Variants in PRR11 observed in about 807,000 individuals in gnomAD.
PRR11 encodes the protein proline rich 11, also known as proline-rich protein 11.
PRR11 carries 30 observed loss-of-function variants against 45.6 expected under a neutral mutation model. The ratio of observed to expected loss-of-function variants is 0.66; its 90% CI spans 0.49 to 0.89. PRR11 has a LOEUF of 0.89. PRR11 is among the 40% of genes least tolerant of loss of function. The pLI is 0.00. For missense variants in PRR11, 373 were observed against 424.8 expected (o/e 0.88, Z 1.07); for synonymous variants, 128 against 153.5 (o/e 0.83, Z 1.23).
At chr17:59,190,585 TG>T (rs2046836277) in intron 4 of PRR11, among the ~76,000 whole-genome samples, 1 of 152,202 alleles carries the variant, frequency 6.6e-6, no homozygotes, top group African/African-American at 2.4e-5. Flanking sequence ...TAGCCACAAG[TG>T]GCAGAAACAC....
intron 4 of PRR11, among the ~76,000 whole-genome samples, chr17:59,187,549 A>C (rs1182267491): frequency 6.8e-6 from 1 of 146,104 alleles, no homozygotes; most frequent in African/African-American, 2.6e-5. Flanking sequence ...CAGCTTGGGC[A>C]ACAGAGCAAG....
intron 1 of PRR11, among the ~76,000 whole-genome samples, chr17:59,164,138 G>C (rs767887252): frequency 6.6e-6 from 1 of 152,102 alleles, no homozygotes; most frequent in Non-Finnish European, 1.5e-5. Flanking sequence ...ATTAGACACA[G>C]CTCCTTTGCT....
chr17:59,198,398 G>A (rs1007082132), intron 9 of PRR11, among the ~76,000 whole-genome samples: 5 of 151,828 alleles, frequency 3.3e-5, no homozygotes, highest in South Asian at 4.2e-4. Flanking sequence ...AAAAATGGCC[G>A]GGCACGGTGG....
At chr17:59,161,297 C>T (rs1245923330) in intron 1 of PRR11, among the ~76,000 whole-genome samples, 1 of 151,874 alleles carries the variant, frequency 6.6e-6, no homozygotes, top group Non-Finnish European at 1.5e-5. Flanking sequence ...GTCCCAGCTA[C>T]TCGGGAGACT....
chr17:59,201,510 A>G (rs932157873), intron 9 of PRR11, 53 bp from the exon 10 acceptor site: 42 of 1,555,764 alleles, frequency 2.7e-5, no homozygotes, highest in Middle Eastern at 1.7e-4. Context: ...GGAGAGTTGT[A>G]CTTATCACAG....
intron 1 of PRR11, among the ~76,000 whole-genome samples, chr17:59,168,352 T>G (rs1374393393): frequency 6.6e-6 from 1 of 151,952 alleles, no homozygotes; most frequent in Non-Finnish European, 1.5e-5. Flanking sequence ...GTATTTTTAA[T>G]AGAGACAGGG....
chr17:59,200,930 C>A (rs533720092), intron 9 of PRR11, among the ~76,000 whole-genome samples: 201 of 152,038 alleles, frequency 1.3e-3, no homozygotes, highest in Non-Finnish European at 2.1e-3. Flanking sequence ...CGGCCCACAA[C>A]TATCTTTTTT....
chr17:59,172,621 T>A (rs1008821545), intron 2 of PRR11, among the ~76,000 whole-genome samples: 5 of 152,200 alleles, frequency 3.3e-5, no homozygotes, highest in Admixed American at 6.5e-5. Context: ...CTCTGAGCTG[T>A]CGGCTGCCCC....
intron 2 of PRR11, among the ~76,000 whole-genome samples, chr17:59,175,937 T>C (rs1294916245): frequency 3.9e-5 from 6 of 152,128 alleles, no homozygotes; most frequent in East Asian, 3.9e-4. Flanking sequence ...TACATTGATA[T>C]TGTGCCAAGA....
intron 1 of PRR11, among the ~76,000 whole-genome samples, chr17:59,158,794 G>A (rs566925138): frequency 6.6e-6 from 1 of 152,330 alleles, no homozygotes; most frequent in African/African-American, 2.4e-5. Flanking sequence ...GTAAGGAGAA[G>A]AGACAGGGTA....
At chr17:59,179,795 G>A (rs1327549120) in intron 2 of PRR11, 34 of 1,360,616 alleles carry the variant, frequency 2.5e-5, no homozygotes, top group East Asian at 7.2e-5. Flanking sequence ...CTCCTCCTCC[G>A]ATGACTCCTC....
intron 2 of PRR11, chr17:59,177,243 A>C: frequency 1.8e-6 from 1 of 547,658 alleles, no homozygotes; most frequent in Non-Finnish European, 3.7e-6. Flanking sequence ...CTATGACCAT[A>C]GCCAGGAGAT....
At chr17:59,157,481 C>G (rs2046631656) in intron 1 of PRR11, among the ~76,000 whole-genome samples, 1 of 152,168 alleles carries the variant, frequency 6.6e-6, no homozygotes, top group African/African-American at 2.4e-5. Context: ...GCGGGCGGAT[C>G]ACTTGAGGTA....
Position 59,193,680 on chromosome 17 carries a change from A to AC in PRR11, c.593dup (p.Pro199ThrfsTer14). ...CACCTCCACCTCTGCCACCTCCTCC[A>AC]CCACCACTAGCACCTGTGTTGCTCA... On this transcript the variant is annotated frameshift_variant, in exon 5 of 10. Transcript: ENST00000262293. LOFTEE classifies it high-confidence loss of function. The AC allele has an allele frequency of 6.2e-7, 1 of 1,613,742 alleles. No homozygotes were observed. The highest frequency in any genetic ancestry group is 1.1e-5 in the South Asian group (1 of 91,050).
rs184614789 is a variant in PRR11 at position 59,173,981 on chromosome 17, C to T, written c.128+4101C>T. Among the ~76,000 whole-genome samples, 12 of 152,278 alleles carry T rather than the reference C, an allele frequency of 7.9e-5. No individual in the cohort carries two copies. The East Asian group carries it at 1.5e-3, about 20-fold the overall frequency. ...GCTCTCTAGACAGGAAGGTTATTCA[C>T]GTCCCACATCAAGTCTAACTAGAGT... On this transcript the variant is annotated intron_variant, in intron 2 of 9. Coordinates refer to ENST00000262293, the MANE Select transcript of PRR11 (RefSeq NM_018304.4).
In PRR11 at chr17:59,194,761, G is replaced by T; in HGVS notation, c.650G>T (p.Gly217Val). Residue 217 changes from glycine (G) to valine (V), a missense_variant, in exon 6 of 10, where the codon GGA becomes GTA. Transcript: ENST00000262293. ...KPSLAKALQA[G>V]PLKKDGPMQI... ...AACCTTACCATGTATTTTAAGGCTG[G>T]ACCATTAAAAAAAGATGGACCCATG... 1 of 1,610,394 alleles carries T rather than the reference G, an allele frequency of 6.2e-7. No individual in the cohort carries two copies. Among genetic ancestry groups the T allele is most frequent in the South Asian group, 1.1e-5 (1 of 90,600 alleles).
chr17:59,159,454 CA>C, intron 1 of PRR11, among the ~76,000 whole-genome samples: 1 of 152,308 alleles, frequency 6.6e-6, no homozygotes, highest in Non-Finnish European at 1.5e-5. Flanking sequence ...CTCCTATAAT[CA>C]GGTCCTCATC....
rs1302941065 is a variant in PRR11 at position 59,169,842 on chromosome 17, G to C, written c.90G>C (p.Lys30Asn). Residue 30 changes from lysine to asparagine, a missense_variant, in exon 2 of 10, where the codon AAG becomes AAC. Lys to Asn is a moderately conservative substitution (Grantham distance 94). Coordinates refer to ENST00000262293, the MANE Select transcript of PRR11 (RefSeq NM_018304.4). ...AAGAAGCCTCTCACTTTCAGTCCAA[G>C]CTAATTACACCTCCTCCTCCACCAC... Reference protein sequence around the residue: ...KKKEASHFQSKLITPPPPPPS... With the variant: ...KKKEASHFQSNLITPPPPPPS... The C allele has an allele frequency of 1.2e-6, 2 of 1,610,972 alleles. No homozygotes were observed. The highest frequency in any genetic ancestry group is 1.3e-5 in the African/African-American group (1 of 74,720).
At chr17:59,164,046 G>C (rs533120998) in intron 1 of PRR11, among the ~76,000 whole-genome samples, 44 of 152,142 alleles carry the variant, frequency 2.9e-4, no homozygotes, top group Non-Finnish European at 4.9e-4. Flanking sequence ...TCCAGCCTGG[G>C]CGACAGAGTG....
Sources: allele counts gnomAD v4.1 joint callset (sites outside exome capture counted in the v4.1 genomes callset), GRCh38; gene constraint gnomAD v4.1.1; transcripts MANE v1.5; gene names NCBI Gene and HGNC (gene_info 2026-07-23, HGNC 2026-07-21).